Variants in GKN2 observed in about 807,000 individuals in gnomAD.
GKN2 encodes the protein gastrokine 2.
In GKN2, 17 loss-of-function variants were observed where a neutral mutation model predicts 22.7. That is an observed-to-expected ratio of 0.75 (90% CI 0.51 to 1.13). GKN2 has a LOEUF of 1.13. Among genes scored for constraint, GKN2 ranks in the 50% most tolerant of loss-of-function variants. The pLI is 0.00. For missense variants in GKN2, 248 were observed against 221.4 expected (o/e 1.12, Z -0.76); for synonymous variants, 82 against 79.6 (o/e 1.03, Z -0.16).
intron 1 of GKN2, 115 bp from the exon 2 acceptor site, chr2:68,950,870 A>T: frequency 2.0e-6 from 2 of 1,007,142 alleles, no homozygotes; most frequent in Non-Finnish European, 3.1e-6. Context: ...ACCTAGAGAC[A>T]CTGAGTGGCC....
chr2:68,948,416 A>G (rs945455898), intron 3 of GKN2, among the ~76,000 whole-genome samples: 2 of 152,190 alleles, frequency 1.3e-5, no homozygotes, highest in African/African-American at 4.8e-5. Context: ...GGAAATTCAA[A>G]TCTAGAACAC....
rs1046061610 is a variant in GKN2 at position 68,945,235 on chromosome 2, A to G, written c.*133T>C. The G allele has an allele frequency of 6.0e-6, 4 of 670,754 alleles. No homozygotes were observed. The highest frequency in any genetic ancestry group is 2.8e-5 in the South Asian group (1 of 35,312). 41.6% of individuals were successfully genotyped at this position (670,754 alleles called of 1,614,324 possible). A position where few individuals can be genotyped will look rare whatever the true frequency, so the allele number is the denominator to read the frequency against. On this transcript the variant is annotated 3_prime_UTR_variant, in exon 6 of 6. Coordinates refer to ENST00000328895, the MANE Select transcript of GKN2 (RefSeq NM_182536.3). ...AAAAACAACAAACACCAAAAAATCT[A>G]TAAATACAGCATTTATATTTTCTGA...
Position 68,950,256 on chromosome 2 carries a change from T to G in GKN2, c.74A>C (p.Asn25Thr). The change falls in exon 3 of 6, where the codon AAC becomes ACC. Residue 25 changes from asparagine to threonine, a missense_variant. Physicochemically the swap from Asn to Thr is moderately conservative, Grantham distance 65. Transcript: ENST00000328895. ...GIQSHGYEVFNIISPSNNGGN... is the reference protein window; with the variant it reads ...GIQSHGYEVFTIISPSNNGGN... ...ACCATTGTTGCTTGGGCTGATGATG[T>G]TAAAAACCTAGATTGAAAAGAAAGA... The G allele has an allele frequency of 6.2e-7, 1 of 1,605,626 alleles. No homozygotes were observed. Among genetic ancestry groups the G allele is most frequent in the Admixed American group, 1.7e-5 (1 of 57,756 alleles).
At chr2:68,949,958 T>C (rs996065931) in intron 3 of GKN2, among the ~76,000 whole-genome samples, 168 bp downstream of exon 3, 2 of 152,248 alleles carry the variant, frequency 1.3e-5, no homozygotes, top group African/African-American at 4.8e-5. Flanking sequence ...GTTTTGTTTT[T>C]TTAACCAATT....
At position 68,950,720 on chromosome 2, in the gene GKN2, T is replaced by C. The variant is rs1328226233; in HGVS notation, c.48A>G (p.Ile16Met). Reference sequence around the variant, plus strand: ...AACTCACCTCGTATCCATGAGATTGTATCCCAAAGATGGTCAGCACCACCA... The same window carrying C: ...AACTCACCTCGTATCCATGAGATTGCATCCCAAAGATGGTCAGCACCACCA... ...AFLVVLTIFG[I>M]QSHGYEVFNI... is the part of the protein sequence containing the mutation. Residue 16 changes from isoleucine (I) to methionine (M), a missense_variant, in exon 2 of 6, where the codon ATA becomes ATG. Coordinates refer to ENST00000328895, the MANE Select transcript of GKN2 (RefSeq NM_182536.3). 2 of 1,614,128 alleles carry C rather than the reference T, an allele frequency of 1.2e-6. No homozygotes were observed. Among genetic ancestry groups the C allele is most frequent in the Non-Finnish European group, 1.7e-6 (2 of 1,179,984 alleles).
At chr2:68,950,331 C>T in intron 2 of GKN2, 68 bp from the exon 3 acceptor site, 1 of 1,446,054 alleles carries the variant, frequency 6.9e-7, no homozygotes, top group Non-Finnish European at 9.4e-7. Flanking sequence ...ACTCTTCCAA[C>T]AAAATAAAGC....
rs780553655 is a variant in GKN2 at position 68,946,347 on chromosome 2, G to T, written c.429C>A (p.Cys143Ter). The T allele has an allele frequency of 1.2e-6, 2 of 1,613,782 alleles. No homozygotes were observed. Among genetic ancestry groups the T allele is most frequent in the African/African-American group, 1.3e-5 (1 of 74,892 alleles). ...CCCCCTTATACAAAGGGATATGTTT[G>T]CAGAGTTTCTCAATGGGTGACCCAA... ...FLLGSPIEKL[C>*]KHIPLYKGEV... is the part of the protein sequence containing the mutation. Residue 143 changes from cysteine (C) to a stop codon, truncating the protein, a stop_gained, in exon 5 of 6, where the codon TGC becomes TGA. Transcript: ENST00000328895. LOFTEE classifies it low-confidence loss of function (END_TRUNC).
rs1669837696 is a variant in GKN2, at chr2:68,950,322, C to T, written c.67-59G>A. 4.7e-6 allele frequency: 7 copies of T among 1,504,990 alleles called. No homozygotes were observed. The South Asian group carries it at 8.8e-5, about 19-fold the overall frequency. The allele number at this position is 1,504,990 out of a possible 1,614,324, so 93.2% of individuals were successfully genotyped here. ...TAAATCTTATATATTTGAAAGGCAA[C>T]TCTTCCAACAAAATAAAGCAGCTGC... On this transcript the variant is annotated intron_variant, in intron 2 of 5. Coordinates refer to ENST00000328895, the MANE Select transcript of GKN2 (RefSeq NM_182536.3).
chr2:68,950,052 C>T (rs1372820764), intron 3 of GKN2, 74 bp downstream of exon 3: 1 of 1,178,754 alleles, frequency 8.5e-7, no homozygotes, highest in Non-Finnish European at 1.2e-6. Flanking sequence ...GTATATATGC[C>T]CCATATATAT....
At chr2:68,949,013 T>C (rs1669816179) in intron 3 of GKN2, among the ~76,000 whole-genome samples, 1 of 152,002 alleles carries the variant, frequency 6.6e-6, no homozygotes, top group Non-Finnish European at 1.5e-5. Flanking sequence ...CCAACACCAA[T>C]GGGAAAGAGG....
intron 3 of GKN2, among the ~76,000 whole-genome samples, chr2:68,949,048 A>G (rs558313611): frequency 6.6e-6 from 1 of 152,332 alleles, no homozygotes; most frequent in Admixed American, 6.5e-5. Context: ...TCTAGAAGAA[A>G]AGGGACAGAA....
chr2:68,950,769 C>A lies in GKN2; in HGVS notation c.13-14G>T, dbSNP rs1350028597. On this transcript the variant is annotated splice_polypyrimidine_tract_variant and intron_variant, in intron 1 of 5. Transcript: ENST00000328895. ...CAGAAATGCCACCTGAAAAACAGAC[C>A]CACCACATCCATTCTTTATAGGGTA... 1 of 1,613,730 alleles carries A rather than the reference C, an allele frequency of 6.2e-7. No individual in the cohort carries two copies. The highest frequency in any genetic ancestry group is 2.2e-5 in the East Asian group (1 of 44,880).
intron 3 of GKN2, 124 bp downstream of exon 3, chr2:68,950,002 G>C (rs1193584483): frequency 2.8e-6 from 2 of 720,772 alleles, no homozygotes; most frequent in East Asian, 6.2e-5. Flanking sequence ...TGAAAGTGAG[G>C]AATTCTTAAA....
Position 68,945,405 on chromosome 2 carries a change from A to G in GKN2, c.518T>C (p.Ile173Thr), listed in dbSNP as rs779713571. 4.3e-6 allele frequency: 7 copies of G among 1,611,840 alleles called. No individual in the cohort carries two copies. The highest frequency in any genetic ancestry group is 5.9e-6 in the Non-Finnish European group (7 of 1,178,482). Residue 173 changes from isoleucine to threonine, a missense_variant, in exon 6 of 6, where the codon ATC (isoleucine) becomes ACC (threonine). Ile to Thr is a moderately conservative substitution (Grantham distance 89, BLOSUM62 -1). Coordinates refer to ENST00000328895, the MANE Select transcript of GKN2 (RefSeq NM_182536.3). ...GGCAKAGLLGILGISICADIH... is the reference protein window; with the variant it reads ...GGCAKAGLLGTLGISICADIH... ...GTCTGCACAGATTGAAATTCCCAAG[A>G]TGCCCAGGAGCCCAGCCTTTGCACA... is the stretch of plus-strand genomic sequence containing the variant.
rs1388442354 is a variant in GKN2, at chr2:68,950,695, A to T, written c.66+7T>A. ...TAAGAGATAAAGTCCATAAGGAACC[A>T]ACTCACCTCGTATCCATGAGATTGT... On this transcript the variant is annotated splice_region_variant and intron_variant, in intron 2 of 5. Coordinates refer to ENST00000328895, the MANE Select transcript of GKN2 (RefSeq NM_182536.3). The T allele has an allele frequency of 6.2e-7, 1 of 1,613,664 alleles. No homozygotes were observed. The highest frequency in any genetic ancestry group is 1.7e-5 in the Admixed American group (1 of 60,024).
Position 68,946,501 on chromosome 2 carries a change from G to A in GKN2, c.316-41C>T, listed in dbSNP as rs1553423067. 9 of 1,494,270 alleles carry A rather than the reference G, an allele frequency of 6.0e-6. No homozygotes were observed. The Admixed American group carries it at 7.1e-5, about 12-fold the overall frequency. 92.6% of individuals were successfully genotyped at this position (1,494,270 alleles called of 1,614,324 possible). The stretch of plus-strand genomic sequence containing the variant: ...AGAAAAGAACAACATAAAATAAATT[G>A]ACAAAAATTGGTGTACCTTATTCTA... On this transcript the variant is annotated intron_variant, in intron 4 of 5. Coordinates refer to ENST00000328895, the MANE Select transcript of GKN2 (RefSeq NM_182536.3).
At chr2:68,945,869 C>T in intron 5 of GKN2, 1 of 227,764 alleles carries the variant, frequency 4.4e-6, no homozygotes, top group Non-Finnish European at 8.5e-6. Context: ...GTCTGTAAGT[C>T]CGCTTGGCCT....
chr2:68,951,663 C>T lies in GKN2; in HGVS notation c.13-908G>A, dbSNP rs147773927. On this transcript the variant is annotated intron_variant, in intron 1 of 5. Coordinates refer to ENST00000328895, the MANE Select transcript of GKN2 (RefSeq NM_182536.3). ...CTTCTGGGGACTGGGAGTAGAGCATCTAACAAAGACCTGTGTGCTGATATT... is the reference window on the plus strand; with the variant it reads ...CTTCTGGGGACTGGGAGTAGAGCATTTAACAAAGACCTGTGTGCTGATATT... Among the ~76,000 whole-genome samples, 15 of 152,314 alleles carry T rather than the reference C, an allele frequency of 9.8e-5. No homozygotes were observed. The East Asian group carries it at 2.7e-3, about 27-fold the overall frequency.
In GKN2 at chr2:68,950,137, C is replaced by A. The variant is rs62133344; in HGVS notation, c.193G>T (p.Asp65Tyr). 0.049 allele frequency: 79,570 copies of A among 1,611,494 alleles called. 2,271 individuals are homozygous for A. Among genetic ancestry groups the A allele is most frequent in the Middle Eastern group, 0.063 (380 of 6,050 alleles). Reference protein sequence around the residue: ...AGSCSSTTIFDYKHGYIASRV... With the variant: ...AGSCSSTTIFYYKHGYIASRV... Reference sequence around the variant, plus strand: ...CATTTGCTGCTTACATGTTTATAGTCAAAAATTGTGGTAGAAGAGCATGAT... The same window carrying A: ...CATTTGCTGCTTACATGTTTATAGTAAAAAATTGTGGTAGAAGAGCATGAT... The change falls in exon 3 of 6, where the codon GAC becomes TAC. Residue 65 changes from aspartate to tyrosine, a missense_variant. Asp to Tyr is a radical substitution (Grantham distance 160). Coordinates refer to ENST00000328895, the MANE Select transcript of GKN2 (RefSeq NM_182536.3).
Sources: gnomAD v4.1 joint callset for allele counts (sites outside exome capture counted in the v4.1 genomes callset) on GRCh38, gnomAD v4.1.1 for gene constraint, MANE v1.5 for transcripts, NCBI Gene and HGNC (gene_info 2026-07-23, HGNC 2026-07-21) for gene names.